Variants in GRM3 observed in about 807,000 individuals in gnomAD.
GRM3 encodes metabotropic glutamate receptor 3.
Under a neutral mutation model 70.5 loss-of-function variants are expected in GRM3, and 26 were observed. The ratio of observed to expected loss-of-function variants is 0.37; its 90% CI spans 0.27 to 0.51. GRM3 has a LOEUF of 0.51. Among genes scored for constraint, GRM3 ranks in the 20% least tolerant of loss-of-function variants. The pLI, the probability that GRM3 is intolerant of heterozygous loss-of-function variation, is 0.93. For missense variants in GRM3, 859 were observed against 1,123.8 expected, an observed-to-expected ratio of 0.76 and a Z score of 3.37; for synonymous variants, 443 against 434.9, an observed-to-expected ratio of 1.02 and a Z score of -0.23.
At chr7:86,823,505 A>G (rs1798167200) in intron 3 of GRM3, among the ~76,000 whole-genome samples, 1 of 149,266 alleles carries the variant, frequency 6.7e-6, no homozygotes, top group Non-Finnish European at 1.5e-5. Flanking sequence ...ATTATAGTGC[A>G]GTGCTCTCTG....
intron 3 of GRM3, among the ~76,000 whole-genome samples, chr7:86,823,545 A>G (rs901617302): frequency 7.1e-6 from 1 of 140,762 alleles, no homozygotes; most frequent in Non-Finnish European, 1.5e-5. Context: ...GTTATTAGCT[A>G]GAACTAACAG....
At chr7:86,704,980 A>C (rs1795025263) in intron 1 of GRM3, among the ~76,000 whole-genome samples, 1 of 151,890 alleles carries the variant, frequency 6.6e-6, no homozygotes, top group Non-Finnish European at 1.5e-5. Flanking sequence ...ATGGTGTTGA[A>C]TGCTGTATTG....
chr7:86,809,343 T>C (rs142047251), intron 3 of GRM3, among the ~76,000 whole-genome samples: 18 of 152,166 alleles, frequency 1.2e-4, no homozygotes, highest in African/African-American at 3.6e-4. Flanking sequence ...TATCCAGACT[T>C]CCCATCATAC....
At chr7:86,782,868 A>G (rs1161605206) in intron 2 of GRM3, among the ~76,000 whole-genome samples, 1 of 152,180 alleles carries the variant, frequency 6.6e-6, no homozygotes, top group African/African-American at 2.4e-5. Context: ...CTTTTAAAGT[A>G]TTTTTTTCCA....
chr7:86,655,613 A>C (rs906693797), intron 1 of GRM3, among the ~76,000 whole-genome samples: 1 of 150,470 alleles, frequency 6.6e-6, no homozygotes, highest in Non-Finnish European at 1.5e-5. Context: ...CTCTATCCCC[A>C]GCAGGAGCCT....
chr7:86,769,923 C>T (rs1796696669), intron 2 of GRM3, among the ~76,000 whole-genome samples: 1 of 152,104 alleles, frequency 6.6e-6, no homozygotes. Flanking sequence ...ATTTTTAAGA[C>T]TGTATCCTGC....
chr7:86,672,661 T>C (rs1237117871), intron 1 of GRM3, among the ~76,000 whole-genome samples: 1 of 152,082 alleles, frequency 6.6e-6, no homozygotes, highest in Admixed American at 6.6e-5. Flanking sequence ...ATCCGGTGTG[T>C]GTGAAACACA....
intron 5 of GRM3, among the ~76,000 whole-genome samples, chr7:86,857,695 C>A (rs923898911): frequency 2.6e-5 from 4 of 152,146 alleles, no homozygotes; most frequent in Admixed American, 6.5e-5. Flanking sequence ...GTAGCACATG[C>A]AACTCATATT....
intron 1 of GRM3, among the ~76,000 whole-genome samples, chr7:86,718,129 G>T (rs1233001205): frequency 6.6e-6 from 1 of 151,884 alleles, no homozygotes; most frequent in African/African-American, 2.4e-5. Context: ...TATTAGCAGG[G>T]TTTTATAAAA....
Position 86,832,818 on chromosome 7 carries a change from G to A in GRM3, c.1325-6021G>A, listed in dbSNP as rs1157079036. Among the ~76,000 whole-genome samples the A allele has an allele frequency of 3.3e-5, 5 of 152,244 alleles. No homozygotes were observed. The East Asian group carries it at 9.7e-4, about 29-fold the overall frequency. On this transcript the variant is annotated intron_variant, in intron 3 of 5. Transcript: ENST00000361669. ...TCAAGCCAAGTTCCCATTCGAAACTGGGGTCAGAACTAATTGGATAATAAG... is the reference window on the plus strand; with the variant it reads ...TCAAGCCAAGTTCCCATTCGAAACTAGGGTCAGAACTAATTGGATAATAAG...
intron 1 of GRM3, among the ~76,000 whole-genome samples, chr7:86,710,714 A>G (rs1419565504): frequency 6.6e-6 from 1 of 152,082 alleles, no homozygotes; most frequent in Non-Finnish European, 1.5e-5. Flanking sequence ...TCCCAACTCT[A>G]GTAAACAGTG....
At chr7:86,774,489 T>C (rs544063430) in intron 2 of GRM3, among the ~76,000 whole-genome samples, 1 of 152,252 alleles carries the variant, frequency 6.6e-6, no homozygotes, top group African/African-American at 2.4e-5. Context: ...CCTTTGTTAC[T>C]AGTAACAAAG....
Position 86,786,033 on chromosome 7 carries a change from G to C in GRM3, c.469-228G>C. On this transcript the variant is annotated intron_variant, in intron 2 of 5. Coordinates refer to ENST00000361669, the MANE Select transcript of GRM3 (RefSeq NM_000840.3). This position sits in a 1 kb window ranked among gnomAD's most constrained non-coding sequence, Gnocchi z 6.0. ...GGTGCCCTTCTCATTTCTCTACTCT[G>C]CCCTTTCCTGAAGCACACACTACCT... The C allele has an allele frequency of 1.9e-6, 1 of 538,228 alleles. No individual in the cohort carries two copies. Among genetic ancestry groups the C allele is most frequent in the East Asian group, 3.3e-5 (1 of 30,300 alleles). 33.3% of individuals were successfully genotyped at this position (538,228 alleles called of 1,614,324 possible). A position where few individuals can be genotyped will look rare whatever the true frequency, so the allele number is the denominator to read the frequency against.
At chr7:86,814,174 C>G (rs1219210169) in intron 3 of GRM3, among the ~76,000 whole-genome samples, 1 of 151,838 alleles carries the variant, frequency 6.6e-6, no homozygotes, top group Non-Finnish European at 1.5e-5. Context: ...TGAATGTACT[C>G]ACCTCCTGTA....
At chr7:86,698,566 T>TTA (rs1444791960) in intron 1 of GRM3, among the ~76,000 whole-genome samples, 1 of 140,862 alleles carries the variant, frequency 7.1e-6, no homozygotes, top group Non-Finnish European at 1.5e-5. Context: ...ATATATATAA[T>TTA]TATATATATA....
chr7:86,828,355 A>G (rs1212836290), intron 3 of GRM3, among the ~76,000 whole-genome samples: 3 of 152,168 alleles, frequency 2.0e-5, no homozygotes, highest in Non-Finnish European at 4.4e-5. Context: ...CATACAATTT[A>G]CTATTATATA....
chr7:86,778,921 C>T (rs1337369155), intron 2 of GRM3, among the ~76,000 whole-genome samples: 1 of 152,142 alleles, frequency 6.6e-6, no homozygotes, highest in Non-Finnish European at 1.5e-5. Flanking sequence ...TGAGGTCATA[C>T]TGAAGTAGGG....
At chr7:86,761,827 G>A (rs1290264545) in intron 1 of GRM3, among the ~76,000 whole-genome samples, 1 of 152,156 alleles carries the variant, frequency 6.6e-6, no homozygotes, top group East Asian at 1.9e-4. Flanking sequence ...GTTTGGACAG[G>A]AGAGACTATT....
At chr7:86,747,740 A>T (rs1001242506) in intron 1 of GRM3, among the ~76,000 whole-genome samples, 1 of 152,130 alleles carries the variant, frequency 6.6e-6, no homozygotes, top group African/African-American at 2.4e-5. Context: ...GAGTAAATGT[A>T]ACTATAATCA....
Sources: allele counts gnomAD v4.1 joint callset (sites outside exome capture counted in the v4.1 genomes callset), GRCh38; gene constraint gnomAD v4.1.1; non-coding constraint Gnocchi (gnomAD v3.1); transcripts MANE v1.5; gene names NCBI Gene and HGNC (gene_info 2026-07-23, HGNC 2026-07-21).